HS2ST1: variants seen among roughly 807,000 people sequenced by gnomAD.
HS2ST1 encodes the protein 2-O-sulfotransferase.
A neutral mutation model predicts 42.9 loss-of-function variants in HS2ST1; 18 were observed. The observed-to-expected ratio is 0.42, with a 90% confidence interval of 0.29 to 0.62. HS2ST1 has a LOEUF of 0.62. Ranked by LOEUF, HS2ST1 falls within the 20% of genes least tolerant of loss-of-function variation. HS2ST1 has a pLI of 0.21. For missense variants in HS2ST1, 334 were observed against 433.8 expected (o/e 0.77, Z 2.04); for synonymous variants, 146 against 152.9 (o/e 0.95, Z 0.33).
intron 1 of HS2ST1, among the ~76,000 whole-genome samples, chr1:86,941,181 C>A (rs542251440): frequency 7.2e-5 from 11 of 152,222 alleles, no homozygotes; most frequent in African/African-American, 2.4e-4. Flanking sequence ...TGTATTTGGT[C>A]CTTGCCTGTT....
chr1:87,070,345 C>T (rs184760766), intron 1 of HS2ST1, among the ~76,000 whole-genome samples: 1 of 152,234 alleles, frequency 6.6e-6, no homozygotes, highest in East Asian at 1.9e-4. Flanking sequence ...AATCCCAACA[C>T]CTTGGGAGGC....
At position 87,106,018 on chromosome 1, in the gene HS2ST1, A is replaced by C. The variant is rs923508659; in HGVS notation, c.*1322A>C. ...GAGGATAATAATACCTGCTGTACCT[A>C]CCTCACAGGGCTGTTGTGAGGATTA... is the stretch of plus-strand genomic sequence containing the variant. On this transcript the variant is annotated 3_prime_UTR_variant, in exon 7 of 7. Coordinates refer to ENST00000370550, the MANE Select transcript of HS2ST1 (RefSeq NM_012262.4). The C allele has an allele frequency of 2.6e-5, 4 of 152,456 alleles. No individual in the cohort carries two copies. Among genetic ancestry groups the C allele is most frequent in the Non-Finnish European group, 5.9e-5 (4 of 67,946 alleles). 9.4% of individuals were successfully genotyped at this position (152,456 alleles called of 1,614,324 possible).
chr1:87,095,318 C>G (rs1327448896), intron 4 of HS2ST1, among the ~76,000 whole-genome samples: 1 of 151,950 alleles, frequency 6.6e-6, no homozygotes, highest in Non-Finnish European at 1.5e-5. Flanking sequence ...CTATAAAATT[C>G]TAGATTCTTT....
intron 1 of HS2ST1, among the ~76,000 whole-genome samples, chr1:86,982,648 G>C (rs996299509): frequency 1.8e-4 from 28 of 152,130 alleles, no homozygotes; most frequent in Non-Finnish European, 2.9e-4. Flanking sequence ...CCGAGTAGCT[G>C]GGACTACAAG....
chr1:87,051,736 GA>G (rs1163363369), intron 1 of HS2ST1, among the ~76,000 whole-genome samples: 3 of 152,098 alleles, frequency 2.0e-5, no homozygotes, highest in Admixed American at 1.3e-4. Flanking sequence ...TGGGCATGTT[GA>G]AGTGTCACTA....
chr1:86,999,458 G>A (rs1390581058), intron 1 of HS2ST1, among the ~76,000 whole-genome samples: 5 of 152,124 alleles, frequency 3.3e-5, no homozygotes, highest in Admixed American at 1.3e-4. Context: ...GATTACAGGC[G>A]TGAGCCACCA....
chr1:86,942,165 A>T (rs1305010018), intron 1 of HS2ST1, among the ~76,000 whole-genome samples: 1 of 152,196 alleles, frequency 6.6e-6, no homozygotes, highest in African/African-American at 2.4e-5. Flanking sequence ...AAATCTACTA[A>T]TGTGTGTTGA....
At chr1:86,945,544 A>G (rs757541553) in intron 1 of HS2ST1, among the ~76,000 whole-genome samples, 2 of 132,190 alleles carry the variant, frequency 1.5e-5, no homozygotes, top group Non-Finnish European at 3.2e-5. Flanking sequence ...CTTTTAAAAT[A>G]TGCTGCCATC....
At chr1:87,066,280 G>T (rs1651248293) in intron 1 of HS2ST1, among the ~76,000 whole-genome samples, 1 of 152,158 alleles carries the variant, frequency 6.6e-6, no homozygotes, top group African/African-American at 2.4e-5. Context: ...CCTTCATCAG[G>T]AGCCTGGAAA....
intron 1 of HS2ST1, among the ~76,000 whole-genome samples, chr1:87,070,066 T>C (rs1024967033): frequency 2.6e-5 from 4 of 152,104 alleles, no homozygotes; most frequent in Admixed American, 6.6e-5. Context: ...AAGTGAATCT[T>C]TTTTTTTCTT....
At chr1:86,965,166 T>C (rs1158741901) in intron 1 of HS2ST1, among the ~76,000 whole-genome samples, 1 of 152,206 alleles carries the variant, frequency 6.6e-6, no homozygotes, top group African/African-American at 2.4e-5. Flanking sequence ...TCAGGATGAC[T>C]GGAAAATGAG....
chr1:86,968,665 C>A (rs1648136158), intron 1 of HS2ST1, among the ~76,000 whole-genome samples: 1 of 152,074 alleles, frequency 6.6e-6, no homozygotes, highest in Non-Finnish European at 1.5e-5. Context: ...CTCCGCCTTC[C>A]TAAGTGGTGG....
intron 1 of HS2ST1, among the ~76,000 whole-genome samples, chr1:87,002,398 G>T (rs1649314781): frequency 6.6e-6 from 1 of 152,010 alleles, no homozygotes; most frequent in African/African-American, 2.4e-5. Context: ...TTCCAGACCA[G>T]CCTGGGCAAT....
intron 1 of HS2ST1, among the ~76,000 whole-genome samples, chr1:86,983,738 TA>T (rs35342652): frequency 3.5e-3 from 514 of 145,716 alleles, no homozygotes; most frequent in African/African-American, 6.0e-3. Context: ...GGTGCTTATT[TA>T]AAAAAAAAAA....
rs921967026 is a variant in HS2ST1, at chr1:86,968,060, C to T, written c.124+52900C>T. 9.9e-5 allele frequency among the ~76,000 whole-genome samples: 15 copies of T among 152,058 alleles called. No homozygotes were observed. The East Asian group carries it at 2.1e-3, about 21-fold the overall frequency. ...CCTGATGATTAGTGATGTTGAGCAG[C>T]GTTTCATATGTTTTTTGGCCATTTG... is the stretch of plus-strand genomic sequence containing the variant. On this transcript the variant is annotated intron_variant, in intron 1 of 6. Transcript: ENST00000370550.
At chr1:87,103,194 T>C (rs1314879108) in intron 5 of HS2ST1, among the ~76,000 whole-genome samples, 2 of 152,234 alleles carry the variant, frequency 1.3e-5, no homozygotes, top group Non-Finnish European at 2.9e-5. Flanking sequence ...ACTAAATTGC[T>C]CATGTTAAGA....
chr1:86,958,510 A>G (rs1647737041), intron 1 of HS2ST1: 1 of 152,330 alleles, frequency 6.6e-6, no homozygotes, highest in Admixed American at 6.5e-5. Flanking sequence ...ATTCTTGTGT[A>G]AGTGGACCTG....
chr1:87,035,515 T>G (rs1650351245), intron 1 of HS2ST1, among the ~76,000 whole-genome samples: 1 of 152,172 alleles, frequency 6.6e-6, no homozygotes, highest in Non-Finnish European at 1.5e-5. Flanking sequence ...TGGGAGAATG[T>G]GTTATCATAA....
chr1:87,024,029 G>A (rs1650019902), intron 1 of HS2ST1, among the ~76,000 whole-genome samples: 1 of 152,124 alleles, frequency 6.6e-6, no homozygotes, highest in Non-Finnish European at 1.5e-5. Flanking sequence ...AGAACTAATG[G>A]ATGTAGAAGA....
Sources: gnomAD v4.1 joint callset for allele counts (sites outside exome capture counted in the v4.1 genomes callset) on GRCh38, gnomAD v4.1.1 for gene constraint, MANE v1.5 for transcripts, NCBI Gene and HGNC (gene_info 2026-07-23, HGNC 2026-07-21) for gene names.